Variants in FGF13 observed in about 807,000 individuals in gnomAD.
The protein encoded by FGF13 is fibroblast growth factor homologous factor 2.
Under a neutral mutation model 19.5 loss-of-function variants are expected in FGF13, and 2 were observed. That is an observed-to-expected ratio of 0.10 (90% CI 0.04 to 0.32). The LOEUF (loss-of-function observed/expected upper bound fraction) is 0.32, where lower values mean the gene tolerates loss of function less well. Among genes scored for constraint, FGF13 ranks in the 10% least tolerant of loss-of-function variants. The pLI, the probability that FGF13 is intolerant of heterozygous loss-of-function variation, is 1.00. For missense variants in FGF13, 113 were observed against 192.7 expected, an observed-to-expected ratio of 0.59 and a Z score of 2.45; for synonymous variants, 72 against 76.9, an observed-to-expected ratio of 0.94 and a Z score of 0.33.
chrX:139,103,615 T>C (rs1029467886), intron 1 of FGF13, among the ~76,000 whole-genome samples: 19 of 112,112 alleles, frequency 1.7e-4, no homozygotes, highest in Non-Finnish European at 7.5e-5. Flanking sequence ...ACTGTGGTAA[T>C]GGTGGCAAAA....
intron 1 of FGF13, among the ~76,000 whole-genome samples, chrX:139,071,820 A>C (rs764879417): frequency 9.2e-6 from 1 of 109,006 alleles, no homozygotes; most frequent in Non-Finnish European, 1.9e-5. Flanking sequence ...GATCAAGACC[A>C]TCCTGGCCAA....
rs896381490 is a variant in FGF13 at position 138,614,833 on chromosome X, T to C, written c.*18017A>G. On this transcript the variant is annotated 3_prime_UTR_variant, in exon 5 of 5. Coordinates refer to ENST00000315930, the MANE Select transcript of FGF13 (RefSeq NM_004114.5). ...GTTAAACTATGGCACATCTCTACCA[T>C]GGAATACTACACAGAAATTAAACAT... 4.5e-5 allele frequency: 5 copies of C among 111,882 alleles called. No homozygotes were observed. The highest frequency in any genetic ancestry group is 1.6e-4 in the African/African-American group (5 of 30,751). 9.2% of individuals were successfully genotyped at this position (111,882 alleles called of 1,213,427 possible).
chrX:139,078,749 A>C (rs1412041911), intron 1 of FGF13, among the ~76,000 whole-genome samples: 1 of 112,872 alleles, frequency 8.9e-6, no homozygotes, highest in Non-Finnish European at 1.9e-5. Flanking sequence ...CAAACAGAAC[A>C]TCAAAACGCT....
At chrX:139,172,141 C>A (rs5931579) in intron 1 of FGF13, among the ~76,000 whole-genome samples, 21,056 of 111,296 alleles carry the variant, frequency 0.19, 1,889 homozygotes, top group East Asian at 0.52. Flanking sequence ...ACTTTATTTG[C>A]ATTAAATTCC....
intron 3 of FGF13, among the ~76,000 whole-genome samples, chrX:138,810,669 G>A (rs969925349): frequency 1.8e-5 from 2 of 111,671 alleles, no homozygotes; most frequent in Admixed American, 9.5e-5. Context: ...CCTACAGAAT[G>A]GGACAAAATG....
intron 2 of FGF13, 74 bp from the exon 3 acceptor site, chrX:138,703,161 C>T: frequency 1.3e-6 from 1 of 776,440 alleles, no homozygotes; most frequent in Non-Finnish European, 2.0e-6. Flanking sequence ...TCCAGCAGGA[C>T]TGCCTGGTCC....
intron 3 of FGF13, among the ~76,000 whole-genome samples, chrX:138,850,889 G>C (rs942937965): frequency 4.5e-5 from 5 of 111,412 alleles, no homozygotes; most frequent in Non-Finnish European, 9.4e-5. Flanking sequence ...TCCCTCCCCC[G>C]ATACCTCTCA....
At chrX:138,975,308 A>G (rs2091935434) in intron 1 of FGF13, among the ~76,000 whole-genome samples, 1 of 112,379 alleles carries the variant, frequency 8.9e-6, no homozygotes, top group Non-Finnish European at 1.9e-5. Flanking sequence ...AGTGAGGTTG[A>G]CTATCTTGTC....
At chrX:138,735,879 C>T (rs1458685489) in intron 1 of FGF13, among the ~76,000 whole-genome samples, 1 of 112,044 alleles carries the variant, frequency 8.9e-6, no homozygotes, top group Non-Finnish European at 1.9e-5. Context: ...TATTATAAGT[C>T]TTCGCTTTAT....
At position 138,950,412 on chromosome X, in the gene FGF13, C is replaced by T. The variant is rs150562389; in HGVS notation, c.-112-85762G>A. ...TGAGTGCCTATGATGTTAGCTAGTG[C>T]GTTCATATTCTTTGAAGCACTCATA... On this transcript the variant is annotated intron_variant, in intron 1 of 2. Transcript: ENST00000421460. 8.4e-3 allele frequency among the ~76,000 whole-genome samples: 937 copies of T among 111,941 alleles called. 8 individuals carry two copies. Among genetic ancestry groups the T allele is most frequent in the African/African-American group, 0.028 (860 of 30,889 alleles).
At chrX:138,921,971 CAAAA>C (rs35464038) in intron 1 of FGF13, among the ~76,000 whole-genome samples, 1 of 67,511 alleles carries the variant, frequency 1.5e-5, no homozygotes, top group African/African-American at 5.2e-5. Context: ...TTATGGAACT[CAAAA>C]AAAAAAAAAA....
intron 3 of FGF13, among the ~76,000 whole-genome samples, chrX:138,667,949 C>T (rs1402418838): frequency 9.0e-6 from 1 of 110,941 alleles, no homozygotes; most frequent in Non-Finnish European, 1.9e-5. Context: ...ATCAGTTCGT[C>T]CCCTGTAAAC....
intron 1 of FGF13, among the ~76,000 whole-genome samples, chrX:139,055,028 A>C (rs1944329956): frequency 1.8e-5 from 2 of 111,071 alleles, no homozygotes; most frequent in Non-Finnish European, 3.8e-5. Context: ...TGTGTATGTT[A>C]ATCTTGTATC....
chrX:138,693,845 T>C (rs1020398302), intron 3 of FGF13, among the ~76,000 whole-genome samples: 4 of 111,749 alleles, frequency 3.6e-5, no homozygotes, highest in African/African-American at 1.3e-4. Context: ...TTAGATCAAT[T>C]TCCTTCAATA....
intron 3 of FGF13, among the ~76,000 whole-genome samples, chrX:138,772,613 T>C (rs755574673): frequency 5.2e-4 from 58 of 111,530 alleles, no homozygotes; most frequent in Admixed American, 2.6e-3. Context: ...TGTTAGTGAG[T>C]TGCAAAGATT....
chrX:138,711,306 G>A lies in FGF13; in HGVS notation c.-303C>T, dbSNP rs1276329776. The A allele has an allele frequency of 2.2e-6, 2 of 898,815 alleles. No individual in the cohort carries two copies. The highest frequency in any genetic ancestry group is 2.7e-6 in the Non-Finnish European group (2 of 730,785). The allele number at this position is 898,815 out of a possible 1,213,427, so 74.1% of individuals were successfully genotyped here. Reference sequence around the variant, plus strand: ...CTGGCACGCGGATGCTGAACTGCGCGACTGCGTGTGGTCGGCCCCTGCGCC... The same window carrying A: ...CTGGCACGCGGATGCTGAACTGCGCAACTGCGTGTGGTCGGCCCCTGCGCC... On this transcript the variant is annotated 5_prime_UTR_variant, in exon 1 of 5. Transcript: ENST00000315930.
At chrX:138,955,892 C>T (rs954336943) in intron 1 of FGF13, among the ~76,000 whole-genome samples, 4 of 111,992 alleles carry the variant, frequency 3.6e-5, no homozygotes, top group Non-Finnish European at 7.5e-5. Flanking sequence ...TTCCTCTCCA[C>T]TTTGGTACTC....
chrX:139,162,116 G>A (rs1330776239), intron 1 of FGF13, among the ~76,000 whole-genome samples: 1 of 112,158 alleles, frequency 8.9e-6, no homozygotes, highest in African/African-American at 3.2e-5. Context: ...AAAGAACAAA[G>A]CTGGAGGCAT....
intron 3 of FGF13, among the ~76,000 whole-genome samples, chrX:138,840,324 C>A (rs1040342514): frequency 8.9e-6 from 1 of 111,832 alleles, no homozygotes; most frequent in Non-Finnish European, 1.9e-5. Context: ...AACCTTTAGA[C>A]TTTCAGTTGG....
Sources: gnomAD v4.1 joint callset for allele counts (sites outside exome capture counted in the v4.1 genomes callset) on GRCh38, gnomAD v4.1.1 for gene constraint, MANE v1.5 for transcripts, NCBI Gene and HGNC (gene_info 2026-07-23, HGNC 2026-07-21) for gene names.